Variants in CHP1 observed in about 807,000 individuals in gnomAD.
CHP1 encodes the protein calcineurin like EF-hand protein 1.
CHP1 carries 11 observed loss-of-function variants against 27.4 expected under a neutral mutation model. That is an observed-to-expected ratio of 0.40 (90% CI 0.25 to 0.67). The LOEUF (loss-of-function observed/expected upper bound fraction) is 0.67, where lower values mean the gene tolerates loss of function less well. Among genes scored for constraint, CHP1 ranks in the 30% least tolerant of loss-of-function variants. CHP1 has a pLI of 0.38. For missense variants in CHP1, 169 were observed against 251.3 expected (o/e 0.67, Z 2.22); for synonymous variants, 89 against 87.4 (o/e 1.02, Z -0.10).
chr15:41,231,458 G>T lies in CHP1; in HGVS notation c.67+9G>T, dbSNP rs1297417898. Reference sequence around the variant, plus strand: ...CAAGAAGGAGACCGGCTGTGAGTTCGGGTTGGGGGTGGGAACGCCGGGCGC... The same window carrying T: ...CAAGAAGGAGACCGGCTGTGAGTTCTGGTTGGGGGTGGGAACGCCGGGCGC... On this transcript the variant is annotated intron_variant, in intron 1 of 6. Transcript: ENST00000334660. The T allele has an allele frequency of 2.5e-6, 4 of 1,597,270 alleles. No individual in the cohort carries two copies. Among genetic ancestry groups the T allele is most frequent in the Non-Finnish European group, 3.4e-6 (4 of 1,173,484 alleles).
intron 1 of CHP1, among the ~76,000 whole-genome samples, chr15:41,236,832 C>CT (rs112481886): frequency 0.5 from 72,393 of 143,554 alleles, 19,379 homozygotes; most frequent in African/African-American, 0.72. Flanking sequence ...TTAATACTAT[C>CT]TTTTTTTTTT....
chr15:41,239,686 C>G (rs2047296160), intron 1 of CHP1, among the ~76,000 whole-genome samples: 1 of 152,062 alleles, frequency 6.6e-6, no homozygotes, highest in Non-Finnish European at 1.5e-5. Flanking sequence ...CTTGAGCCAC[C>G]AGGCCTTGCC....
At position 41,231,355 on chromosome 15, in the gene CHP1, TGCTCC is replaced by T; in HGVS notation, c.-27_-23del. 1.3e-6 allele frequency: 2 copies of T among 1,582,768 alleles called. No homozygotes were observed. Among genetic ancestry groups the T allele is most frequent in the Non-Finnish European group, 1.7e-6 (2 of 1,165,230 alleles). ...CTGTCGCCGTCTCTTCTGGCGCCGC[TGCTCC>T]CGGAGGAGCTCCCGGCACGGCGATG... On this transcript the variant is annotated 5_prime_UTR_variant, in exon 1 of 7. Transcript: ENST00000334660.
At chr15:41,248,158 T>C (rs1207016579) in intron 2 of CHP1, among the ~76,000 whole-genome samples, 2 of 151,600 alleles carry the variant, frequency 1.3e-5, no homozygotes, top group Admixed American at 1.3e-4. Context: ...ATTTTTTTTT[T>C]TTTTGTAAGA....
chr15:41,260,293 A>G (rs1019575643), intron 3 of CHP1, among the ~76,000 whole-genome samples: 1 of 151,992 alleles, frequency 6.6e-6, no homozygotes, highest in African/African-American at 2.4e-5. Context: ...AGTTTTGAGA[A>G]TTATTTCTTA....
At chr15:41,278,621 A>G in intron 5 of CHP1, 146 bp from the exon 6 acceptor site, 3 of 913,096 alleles carry the variant, frequency 3.3e-6, no homozygotes, top group Non-Finnish European at 4.9e-6. Flanking sequence ...GCAGTCGGTC[A>G]TTAACCAAAA....
intron 4 of CHP1, among the ~76,000 whole-genome samples, chr15:41,265,636 G>T (rs1045787891): frequency 1.3e-5 from 2 of 151,664 alleles, no homozygotes; most frequent in East Asian, 3.9e-4. Flanking sequence ...CTTTGAACCT[G>T]GGGGGCAGAG....
At chr15:41,259,668 G>T (rs981270127) in intron 3 of CHP1, among the ~76,000 whole-genome samples, 1 of 151,854 alleles carries the variant, frequency 6.6e-6, no homozygotes, top group African/African-American at 2.4e-5. Context: ...CACATTACTT[G>T]ATTCCTCAGA....
chr15:41,266,892 C>T (rs561680612), intron 4 of CHP1, among the ~76,000 whole-genome samples: 78 of 151,758 alleles, frequency 5.1e-4, no homozygotes, highest in African/African-American at 1.7e-3. Context: ...CCCAGCTAGT[C>T]GGGAGGCTGA....
At chr15:41,268,922 T>C (rs796522808) in intron 4 of CHP1, among the ~76,000 whole-genome samples, 34 of 152,188 alleles carry the variant, frequency 2.2e-4, no homozygotes, top group African/African-American at 7.9e-4. Flanking sequence ...ATCCCACCAC[T>C]GCACTCCAGC....
At chr15:41,266,978 C>T (rs145002048) in intron 4 of CHP1, among the ~76,000 whole-genome samples, 4,574 of 151,248 alleles carry the variant, frequency 0.03, 249 homozygotes, top group African/African-American at 0.11. Flanking sequence ...CTAGCTTGGG[C>T]GACAGAGCAA....
chr15:41,256,086 T>TA (rs2047399329), intron 2 of CHP1, among the ~76,000 whole-genome samples: 1 of 152,164 alleles, frequency 6.6e-6, no homozygotes, highest in Non-Finnish European at 1.5e-5. Context: ...CTTACAGACT[T>TA]AGATTTAAAT....
rs1555420504 is a variant in CHP1, at chr15:41,253,423, G to GTATTTACT, written c.141-3481_141-3480insCTTATTTA. On this transcript the variant is annotated intron_variant, in intron 2 of 6. Coordinates refer to ENST00000334660, the MANE Select transcript of CHP1 (RefSeq NM_007236.5). The stretch of plus-strand genomic sequence containing the variant: ...TATTATTTATTTAACAGTTGACAAA[G>GTATTTACT]TATTTATTTATTTATTTATTTATTT... 5.6e-3 allele frequency among the ~76,000 whole-genome samples: 815 copies of GTATTTACT among 145,272 alleles called. 3 individuals are homozygous for GTATTTACT. Among genetic ancestry groups the GTATTTACT allele is most frequent in the African/African-American group, 0.02 (795 of 39,004 alleles).
intron 2 of CHP1, among the ~76,000 whole-genome samples, chr15:41,253,032 A>G (rs556209780): frequency 1.8e-4 from 25 of 135,398 alleles, no homozygotes; most frequent in Middle Eastern, 8.7e-3. Context: ...TCCACCTCCC[A>G]GGTTCAAGTG....
At chr15:41,249,984 G>A (rs2140929454) in intron 2 of CHP1, among the ~76,000 whole-genome samples, 1 of 151,802 alleles carries the variant, frequency 6.6e-6, no homozygotes, top group Non-Finnish European at 1.5e-5. Context: ...GCAGAACTGT[G>A]GAAGGCTTTG....
chr15:41,270,450 C>A, intron 4 of CHP1, 107 bp from the exon 5 acceptor site: 1 of 799,364 alleles, frequency 1.3e-6, no homozygotes. Context: ...CTTGGAAAAT[C>A]GATTAATTGG....
intron 4 of CHP1, chr15:41,264,097 G>T (rs2047447511): frequency 2.5e-6 from 2 of 796,804 alleles, no homozygotes; most frequent in African/African-American, 3.6e-5. Flanking sequence ...TTATCCTAAA[G>T]TATTATGGTC....
At chr15:41,258,833 T>A (rs2047416760) in intron 3 of CHP1, among the ~76,000 whole-genome samples, 1 of 152,194 alleles carries the variant, frequency 6.6e-6, no homozygotes, top group African/African-American at 2.4e-5. Context: ...TTTTTAATAA[T>A]GAGACTGTCA....
At position 41,262,760 on chromosome 15, in the gene CHP1, G is replaced by C. The variant is rs776294298; in HGVS notation, c.226G>C (p.Asp76His). ...TTTGTTATATTTCACAATCAGAGAGGACCAGGTAAACTTCCGTGGATTCAT... is the reference window on the plus strand; with the variant it reads ...TTTGTTATATTTCACAATCAGAGAGCACCAGGTAAACTTCCGTGGATTCAT... The part of the protein sequence containing the change: ...IINAFFPEGE[D>H]QVNFRGFMRT... The change falls in exon 4 of 7, where the codon GAC (aspartate) becomes CAC (histidine). Residue 76 changes from aspartate (D) to histidine (H), a missense_variant. Coordinates refer to ENST00000334660, the MANE Select transcript of CHP1 (RefSeq NM_007236.5). 1 of 1,612,434 alleles carries C rather than the reference G, an allele frequency of 6.2e-7. No homozygotes were observed. The highest frequency in any genetic ancestry group is 8.5e-7 in the Non-Finnish European group (1 of 1,179,892).
Sources: gnomAD v4.1 joint callset for allele counts (sites outside exome capture counted in the v4.1 genomes callset) on GRCh38, gnomAD v4.1.1 for gene constraint, MANE v1.5 for transcripts, NCBI Gene and HGNC (gene_info 2026-07-23, HGNC 2026-07-21) for gene names.